The following AKT3 variants were observed in gnomAD, a reference collection of about 807,000 sequenced individuals.
The protein encoded by AKT3 is RAC-gamma serine/threonine-protein kinase.
In AKT3, 15 loss-of-function variants were observed where a neutral mutation model predicts 65.3. The observed-to-expected ratio is 0.23, with a 90% CI of 0.15 to 0.35. The LOEUF is 0.35. Among genes scored for constraint, AKT3 ranks in the 10% least tolerant of loss-of-function variants. The pLI is 1.00. For missense variants in AKT3, 243 were observed against 576.5 expected (o/e 0.42, Z 5.92); for synonymous variants, 206 against 183.8 (o/e 1.12, Z -0.98).
At chr1:243,805,627 C>G (rs1299527991) in intron 2 of AKT3, among the ~76,000 whole-genome samples, 4 of 152,174 alleles carry the variant, frequency 2.6e-5, no homozygotes, top group Non-Finnish European at 5.9e-5. Flanking sequence ...CCAATGGCCC[C>G]TTTAATTTCA....
intron 13 of AKT3, among the ~76,000 whole-genome samples, chr1:243,506,692 A>G (rs1001946030): frequency 3.3e-5 from 5 of 152,242 alleles, no homozygotes; most frequent in Admixed American, 1.3e-4. Context: ...GAACTGATCC[A>G]TCAAGAAGCA....
At chr1:243,514,523 C>T (rs1670218781) in intron 12 of AKT3, among the ~76,000 whole-genome samples, 1 of 152,134 alleles carries the variant, frequency 6.6e-6, no homozygotes, top group Non-Finnish European at 1.5e-5. Context: ...TACACAGGCA[C>T]GTATACATGC....
chr1:243,726,000 A>G (rs568046795), intron 2 of AKT3, among the ~76,000 whole-genome samples: 1 of 152,214 alleles, frequency 6.6e-6, no homozygotes, highest in Non-Finnish European at 1.5e-5. Flanking sequence ...TAGTTCTCAT[A>G]AAGGCCTAGT....
intron 10 of AKT3, among the ~76,000 whole-genome samples, chr1:243,554,247 A>G (rs1268420480): frequency 6.6e-6 from 1 of 152,206 alleles, no homozygotes; most frequent in East Asian, 1.9e-4. Context: ...GATCTATTCA[A>G]TAAGCATTTC....
In AKT3 at chr1:243,580,495, T is replaced by C. The variant is rs527756422; in HGVS notation, c.697-7447A>G. On this transcript the variant is annotated intron_variant, in intron 8 of 13. Coordinates refer to ENST00000673466, the MANE Select transcript of AKT3 (RefSeq NM_005465.7). ...CAGCCATTCCTTGGTGACCCAGCAGTGTGGCTGCACAGGCATGTCAGTCTT... is the reference window on the plus strand; with the variant it reads ...CAGCCATTCCTTGGTGACCCAGCAGCGTGGCTGCACAGGCATGTCAGTCTT... Among the ~76,000 whole-genome samples, 11 of 152,314 alleles carry C rather than the reference T, an allele frequency of 7.2e-5. No homozygotes were observed. In the South Asian group the frequency reaches 2.1e-3, roughly 29 times the overall value.
At chr1:243,627,422 G>A (rs1176555280) in intron 6 of AKT3, among the ~76,000 whole-genome samples, 1 of 151,986 alleles carries the variant, frequency 6.6e-6, no homozygotes, top group East Asian at 1.9e-4. Context: ...ACTGCACTTT[G>A]CCTTCTAGTG....
intron 7 of AKT3, among the ~76,000 whole-genome samples, chr1:243,614,490 T>A (rs1371518940): frequency 6.6e-6 from 1 of 152,094 alleles, no homozygotes; most frequent in East Asian, 1.9e-4. Context: ...AACTAAAAAA[T>A]CCAGTTTCTT....
chr1:243,553,585 C>T (rs1229260327), intron 10 of AKT3, among the ~76,000 whole-genome samples: 1 of 152,156 alleles, frequency 6.6e-6, no homozygotes, highest in Non-Finnish European at 1.5e-5. Context: ...TTGATAGCCA[C>T]AGCTTTATAC....
chr1:243,792,760 G>C (rs776571468), intron 2 of AKT3, among the ~76,000 whole-genome samples: 36 of 152,140 alleles, frequency 2.4e-4, no homozygotes, highest in African/African-American at 6.8e-4. Context: ...GCCATTCCTA[G>C]CATACTTTCA....
At chr1:243,534,259 G>A (rs983076322) in intron 12 of AKT3, among the ~76,000 whole-genome samples, 2 of 152,128 alleles carry the variant, frequency 1.3e-5, no homozygotes, top group Non-Finnish European at 2.9e-5. Context: ...GACAAAGTAG[G>A]GCAAGGAAAA....
intron 11 of AKT3, among the ~76,000 whole-genome samples, chr1:243,551,608 A>G (rs1036582727): frequency 1.3e-5 from 2 of 151,648 alleles, no homozygotes; most frequent in African/African-American, 2.4e-5. Context: ...ACCATACGTA[A>G]AACATTTTCA....
intron 2 of AKT3, among the ~76,000 whole-genome samples, chr1:243,717,417 G>A (rs1439599699): frequency 1.3e-5 from 2 of 152,094 alleles, no homozygotes; most frequent in Non-Finnish European, 2.9e-5. Flanking sequence ...GGTTCCAATG[G>A]TCATTGTCAG....
Position 243,608,743 on chromosome 1 carries a change from CTTTTTTTTTTTTTTTT to C in AKT3, c.696+4912_696+4927del, listed in dbSNP as rs566574203. Among the ~76,000 whole-genome samples the C allele has an allele frequency of 5.6e-5, 4 of 70,806 alleles. No homozygotes were observed. The Admixed American group carries it at 6.0e-4, about 11-fold the overall frequency. 46.5% of individuals were successfully genotyped at this position (70,806 alleles called of 152,430 possible). A position where few individuals can be genotyped will look rare whatever the true frequency, so the allele number is the denominator to read the frequency against. On this transcript the variant is annotated intron_variant, in intron 8 of 13. Coordinates refer to ENST00000673466, the MANE Select transcript of AKT3 (RefSeq NM_005465.7). Reference sequence around the variant, plus strand: ...TTTTCTACAGTAATTAAGTTTTTTGCTTTTTTTTTTTTTTTTTTTTTTTTTTTGAGACGGAGTCTTG... The same window carrying C: ...TTTTCTACAGTAATTAAGTTTTTTGCTTTTTTTTTTTGAGACGGAGTCTTG...
rs1574494618 is a variant in AKT3, at chr1:243,503,255, T to C, written c.*1994A>G. On this transcript the variant is annotated 3_prime_UTR_variant, in exon 14 of 14. Transcript: ENST00000673466. ...ATATGTCTTAGCTGCCTTAGTAAAA[T>C]GCCCTTTAACCCCCGTCAGTCCCAG... The C allele has an allele frequency of 4.3e-6, 1 of 233,682 alleles. No homozygotes were observed. The highest frequency in any genetic ancestry group is 8.5e-6 in the Non-Finnish European group (1 of 118,038). The allele number at this position is 233,682 out of a possible 1,614,324, so 14.5% of individuals were successfully genotyped here.
intron 2 of AKT3, among the ~76,000 whole-genome samples, chr1:243,760,657 C>G (rs1477353669): frequency 5.3e-5 from 8 of 152,136 alleles, no homozygotes; most frequent in Admixed American, 4.6e-4. Context: ...ACTCAGCCTT[C>G]TTCCTTCAGC....
At chr1:243,605,659 C>T (rs567669142) in intron 8 of AKT3, among the ~76,000 whole-genome samples, 8 of 152,172 alleles carry the variant, frequency 5.3e-5, no homozygotes, top group African/African-American at 9.6e-5. Flanking sequence ...CCAATACGAC[C>T]GTAAGAAGTT....
At chr1:243,520,620 T>C (rs898030056) in intron 12 of AKT3, among the ~76,000 whole-genome samples, 1 of 152,196 alleles carries the variant, frequency 6.6e-6, no homozygotes, top group African/African-American at 2.4e-5. Context: ...ACAGCTATAG[T>C]GTCATTAACT....
At chr1:243,597,193 G>T (rs1162392648) in intron 8 of AKT3, among the ~76,000 whole-genome samples, 1 of 152,020 alleles carries the variant, frequency 6.6e-6, no homozygotes, top group Non-Finnish European at 1.5e-5. Context: ...CTTAAAATGA[G>T]TTCATTTCAT....
chr1:243,756,025 T>C (rs536042005), intron 2 of AKT3, among the ~76,000 whole-genome samples: 5 of 152,308 alleles, frequency 3.3e-5, no homozygotes, highest in South Asian at 2.1e-4. Flanking sequence ...AGATGAACCA[T>C]ATAAGTCATA....
Sources: gnomAD v4.1 joint callset for allele counts (sites outside exome capture counted in the v4.1 genomes callset) on GRCh38, gnomAD v4.1.1 for gene constraint, MANE v1.5 for transcripts, NCBI Gene and HGNC (gene_info 2026-07-23, HGNC 2026-07-21) for gene names.